Variants in DMXL2 observed in about 807,000 individuals in gnomAD.
The protein encoded by DMXL2 is Dmx like 2.
A neutral mutation model predicts 331.1 loss-of-function variants in DMXL2; 103 were observed. That is an observed-to-expected ratio of 0.31 (90% CI 0.27 to 0.37). The LOEUF (loss-of-function observed/expected upper bound fraction) is 0.37. Among genes scored for constraint, DMXL2 ranks in the 10% least tolerant of loss-of-function variants. DMXL2 has a pLI of 1.00. For synonymous variants in DMXL2, 1,281 were observed against 1,252.1 expected (o/e 1.02, Z -0.49); for missense variants, 3,171 against 3,642.9 (o/e 0.87, Z 3.33).
intron 29 of DMXL2, among the ~76,000 whole-genome samples, chr15:51,468,959 A>AAGAG (rs139561448): frequency 7.7e-4 from 115 of 149,360 alleles, no homozygotes; most frequent in Middle Eastern, 3.5e-3. Flanking sequence ...AAGTTAAAAA[A>AAGAG]AGAGAGAGAG....
intron 1 of DMXL2, among the ~76,000 whole-genome samples, chr15:51,605,331 G>C (rs946901584): frequency 6.6e-6 from 1 of 151,966 alleles, no homozygotes; most frequent in African/African-American, 2.4e-5. Context: ...CTCCCAAGTG[G>C]CTGGGACTAC....
chr15:51,513,419 TTAACA>T (rs2046869026), intron 15 of DMXL2, among the ~76,000 whole-genome samples: 2 of 152,150 alleles, frequency 1.3e-5, no homozygotes, highest in Non-Finnish European at 2.9e-5. Context: ...GAAATAAAAC[TTAACA>T]TAATTGAATA....
chr15:51,471,252 G>C lies in DMXL2; in HGVS notation c.7363C>G (p.Leu2455Val). The C allele has an allele frequency of 6.2e-7, 1 of 1,613,954 alleles. No individual in the cohort carries two copies. Among genetic ancestry groups the C allele is most frequent in the South Asian group, 1.1e-5 (1 of 91,058 alleles). ...GCAACAAAATAATCCCACATACTAAGTTCGGGAGGAATAAATTTTTCTTTG... is the reference window on the plus strand; with the variant it reads ...GCAACAAAATAATCCCACATACTAACTTCGGGAGGAATAAATTTTTCTTTG... Reference protein sequence around the residue: ...SYKEKFIPPELSMWDYFVAKP... With the variant: ...SYKEKFIPPEVSMWDYFVAKP... The change falls in exon 29 of 44, where the codon CTT becomes GTT. Residue 2455 changes from leucine to valine, a missense_variant. Leu to Val is a conservative substitution (Grantham distance 32, BLOSUM62 1). Coordinates refer to ENST00000560891, the MANE Select transcript of DMXL2 (RefSeq NM_001378457.1).
chr15:51,459,369 T>TGAC (rs1416856488), intron 34 of DMXL2, among the ~76,000 whole-genome samples: 1 of 151,964 alleles, frequency 6.6e-6, no homozygotes, highest in Non-Finnish European at 1.5e-5. Flanking sequence ...ACAGAAAAAG[T>TGAC]GACAAGTGAA....
At chr15:51,519,641 T>G (rs968208339) in intron 13 of DMXL2, among the ~76,000 whole-genome samples, 15 of 144,534 alleles carry the variant, frequency 1.0e-4, no homozygotes, top group Middle Eastern at 3.2e-3. Context: ...CTCTTGTTTT[T>G]TTTTTTTTTT....
intron 27 of DMXL2, among the ~76,000 whole-genome samples, chr15:51,475,532 GA>G (rs913265546): frequency 3.3e-5 from 5 of 151,280 alleles, no homozygotes; most frequent in African/African-American, 1.2e-4. Flanking sequence ...AGGAAAGATA[GA>G]AAAAAAATCA....
At chr15:51,450,082 C>G in intron 43 of DMXL2, 47 bp downstream of exon 43, 1 of 1,539,856 alleles carries the variant, frequency 6.5e-7, no homozygotes, top group Non-Finnish European at 8.8e-7. Context: ...TGTTTTTTCT[C>G]TTTCCAATCA....
intron 17 of DMXL2, among the ~76,000 whole-genome samples, chr15:51,500,984 G>C (rs141652958): frequency 1.5e-4 from 23 of 152,156 alleles, no homozygotes; most frequent in African/African-American, 4.8e-4. Flanking sequence ...AAACAATTGG[G>C]ATCAGTTACT....
intron 7 of DMXL2, among the ~76,000 whole-genome samples, chr15:51,546,734 A>T (rs895629292): frequency 2.6e-5 from 4 of 152,130 alleles, no homozygotes; most frequent in Non-Finnish European, 5.9e-5. Context: ...TCTCAGATTT[A>T]AAAAAACAAC....
intron 13 of DMXL2, among the ~76,000 whole-genome samples, chr15:51,532,834 A>C (rs2048081542): frequency 6.6e-6 from 1 of 152,188 alleles, no homozygotes. Context: ...AATAAGAAAA[A>C]TAAAAGCCAT....
At position 51,499,845 on chromosome 15, in the gene DMXL2, C is replaced by T. The variant is rs778176618; in HGVS notation, c.3379G>A (p.Asp1127Asn). ...AGTACACTCCCAACCTTAACCAAAT[C>T]ATCAAGATGAATTGTTTGTTCTAAA... The part of the protein sequence containing the change: ...WVLEQTIHLD[D>N]LVKVGSVLDS... The change falls in exon 18 of 44, where the codon GAT becomes AAT. Residue 1127 changes from aspartate to asparagine, a missense_variant. Around this residue, in one of 7 missense-constraint regions of DMXL2, gnomAD observed 1,674 missense variants for 1,780.2 expected, o/e 0.94. Coordinates refer to ENST00000560891, the MANE Select transcript of DMXL2 (RefSeq NM_001378457.1). The T allele has an allele frequency of 6.2e-7, 1 of 1,614,166 alleles. No individual in the cohort carries two copies. The highest frequency in any genetic ancestry group is 8.5e-7 in the Non-Finnish European group (1 of 1,180,018).
chr15:51,619,421 A>C (rs1397876699), intron 1 of DMXL2, among the ~76,000 whole-genome samples: 2 of 152,238 alleles, frequency 1.3e-5, no homozygotes, highest in Non-Finnish European at 2.9e-5. Flanking sequence ...GCCTAAACAC[A>C]AGTGAAAAGC....
chr15:51,552,289 G>A (rs778300330), intron 6 of DMXL2, among the ~76,000 whole-genome samples: 22 of 152,158 alleles, frequency 1.4e-4, no homozygotes, highest in Non-Finnish European at 2.2e-4. Context: ...CAGGTGGCTG[G>A]CTCCTGTGGG....
rs2053843761 is a variant in DMXL2 at position 51,609,924 on chromosome 15, C to G, written c.87+12535G>C. On this transcript the variant is annotated intron_variant, in intron 1 of 43. Transcript: ENST00000560891. The stretch of plus-strand genomic sequence containing the variant: ...CAGCCTGGGCAACAAGAGTGAAAGT[C>G]AGTCTTAAAAAAAAAAAAAAAAACT... Among the ~76,000 whole-genome samples, 3 of 124,900 alleles carry G rather than the reference C, an allele frequency of 2.4e-5. No homozygotes were observed. The Admixed American group carries it at 2.5e-4, about 10-fold the overall frequency. The allele number at this position is 124,900 out of a possible 152,430, so 81.9% of individuals were successfully genotyped here.
At chr15:51,453,364 GA>G in intron 41 of DMXL2, 185 bp downstream of exon 41, 1 of 458,942 alleles carries the variant, frequency 2.2e-6, no homozygotes, top group Non-Finnish European at 3.8e-6. Flanking sequence ...CATATATTAG[GA>G]ATAACTTTCA....
rs1298698401 is a variant in DMXL2 at position 51,568,374 on chromosome 15, C to T, written c.285+113G>A. The T allele has an allele frequency of 4.6e-6, 3 of 652,716 alleles. No homozygotes were observed. In the African/African-American group the frequency reaches 5.7e-5, roughly 12 times the overall value. 40.4% of individuals were successfully genotyped at this position (652,716 alleles called of 1,614,324 possible). A position where few individuals can be genotyped will look rare whatever the true frequency, so the allele number is the denominator to read the frequency against. Reference sequence around the variant, plus strand: ...CATAAAGCACTAGACCAATTTTTCACTGATACTCTAGTCTATTTTCAGCAC... The same window carrying T: ...CATAAAGCACTAGACCAATTTTTCATTGATACTCTAGTCTATTTTCAGCAC... On this transcript the variant is annotated intron_variant, in intron 3 of 43. Transcript: ENST00000560891.
At chr15:51,582,263 T>C (rs1019118171) in intron 1 of DMXL2, among the ~76,000 whole-genome samples, 2 of 152,212 alleles carry the variant, frequency 1.3e-5, no homozygotes, top group Non-Finnish European at 1.5e-5. Flanking sequence ...CAAATTCCTA[T>C]GTCACAAGGT....
At chr15:51,514,681 C>T (rs902870014) in intron 14 of DMXL2, 122 bp from the exon 15 acceptor site, 3 of 642,866 alleles carry the variant, frequency 4.7e-6, no homozygotes, top group African/African-American at 3.9e-5. Context: ...TATTCTTTAC[C>T]ACTACTAATT....
At chr15:51,558,037 T>C (rs1199909844) in intron 6 of DMXL2, among the ~76,000 whole-genome samples, 1 of 152,240 alleles carries the variant, frequency 6.6e-6, no homozygotes, top group African/African-American at 2.4e-5. Flanking sequence ...CCTTAGCATT[T>C]TGGTGTGCCA....
Sources: allele counts gnomAD v4.1 joint callset (sites outside exome capture counted in the v4.1 genomes callset), GRCh38; gene constraint gnomAD v4.1.1; regional missense constraint gnomAD v4.1.1; transcripts MANE v1.5; gene names NCBI Gene and HGNC (gene_info 2026-07-23, HGNC 2026-07-21).